PELO: variants seen among roughly 807,000 people sequenced by gnomAD.
PELO encodes protein pelota homolog.
Under a neutral mutation model 25.9 loss-of-function variants are expected in PELO, and 19 were observed. The ratio of observed to expected loss-of-function variants is 0.73; its 90% CI spans 0.51 to 1.08. The LOEUF is 1.08. Ranked by LOEUF, PELO falls within the 50% of genes least tolerant of loss-of-function variation. The probability of loss-of-function intolerance (pLI) is 0.00; values close to 1 mark genes in which losing one functional copy is unlikely to be tolerated. For missense variants in PELO, 498 were observed against 491.4 expected (o/e 1.01, Z -0.13); for synonymous variants, 196 against 192.2 (o/e 1.02, Z -0.16).
At chr5:52,791,191 T>C (rs1253685986) in intron 1 of PELO, among the ~76,000 whole-genome samples, 3 of 152,202 alleles carry the variant, frequency 2.0e-5, no homozygotes, top group African/African-American at 7.2e-5. Context: ...TGATGTCACA[T>C]ATAAAGGATT....
intron 1 of PELO, among the ~76,000 whole-genome samples, chr5:52,796,763 T>C (rs574211047): frequency 6.6e-6 from 1 of 152,080 alleles, no homozygotes; most frequent in African/African-American, 2.4e-5. Flanking sequence ...CCTTCCAGAG[T>C]TCAACAAAAA....
chr5:52,792,317 C>T (rs1748257452), intron 1 of PELO, among the ~76,000 whole-genome samples: 1 of 152,134 alleles, frequency 6.6e-6, no homozygotes, highest in South Asian at 2.1e-4. Flanking sequence ...CAAAGAATGA[C>T]TCCCAATGGC....
rs1244135378 is a variant in PELO at position 52,800,496 on chromosome 5, G to C, written c.102G>C (p.Gln34His). The change falls in exon 2 of 3, where the codon CAG becomes CAC. Residue 34 changes from glutamine to histidine, a missense_variant. Transcript: ENST00000274311. Reference sequence around the variant, plus strand: ...TGTGGCACACTTACAACCTCGTGCAGGTGGGCGACAGCCTGCGCGCCTCCA... The same window carrying C: ...TGTGGCACACTTACAACCTCGTGCACGTGGGCGACAGCCTGCGCGCCTCCA... ...EDMWHTYNLV[Q>H]VGDSLRASTI... 3.1e-6 allele frequency: 5 copies of C among 1,614,122 alleles called. No individual in the cohort carries two copies. The Admixed American group carries it at 8.3e-5, about 27-fold the overall frequency.
At chr5:52,796,250 C>T (rs1260975848) in intron 1 of PELO, among the ~76,000 whole-genome samples, 1 of 151,834 alleles carries the variant, frequency 6.6e-6, no homozygotes, top group Admixed American at 6.6e-5. Flanking sequence ...GCCCAGTTCT[C>T]TTCTTGAGAC....
chr5:52,801,660 G>A lies in PELO; in HGVS notation c.978G>A (p.Arg326=), dbSNP rs1179318239. The A allele has an allele frequency of 6.2e-7, 1 of 1,614,170 alleles. No individual in the cohort carries two copies. The highest frequency in any genetic ancestry group is 8.5e-7 in the Non-Finnish European group (1 of 1,179,998). ...TCAGGCATCAGGATGTAGCCACACGGAGCCGGTATGTGAGGCTGGTGGACA... is the reference window on the plus strand; with the variant it reads ...TCAGGCATCAGGATGTAGCCACACGAAGCCGGTATGTGAGGCTGGTGGACA... ...ELFRHQDVAT[R]SRYVRLVDSV... Residue 326 remains arginine, a synonymous_variant, in exon 3 of 3, where the codon CGG becomes CGA. Coordinates refer to ENST00000274311, the MANE Select transcript of PELO (RefSeq NM_015946.5).
At chr5:52,792,979 G>A (rs1168990183) in intron 1 of PELO, among the ~76,000 whole-genome samples, 1 of 152,044 alleles carries the variant, frequency 6.6e-6, no homozygotes, top group Admixed American at 6.6e-5. Context: ...GCTTCTTTCA[G>A]CTCCTTTATT....
rs1198783855 is a variant in PELO at position 52,803,566 on chromosome 5, G to C, written c.*1726G>C. 2.6e-5 allele frequency: 4 copies of C among 152,176 alleles called. No homozygotes were observed. Among genetic ancestry groups the C allele is most frequent in the Non-Finnish European group, 5.9e-5 (4 of 68,036 alleles). The allele number at this position is 152,176 out of a possible 1,614,324, so 9.4% of individuals were successfully genotyped here. On this transcript the variant is annotated 3_prime_UTR_variant, in exon 3 of 3. Coordinates refer to ENST00000274311, the MANE Select transcript of PELO (RefSeq NM_015946.5). ...TTTAGCTACCTGTTCACCTCAACTT[G>C]AGAGCTCTTAAAACCCTCAGTGTCC...
chr5:52,790,132 GACTC>G (rs1482266254), intron 1 of PELO, among the ~76,000 whole-genome samples: 1 of 152,086 alleles, frequency 6.6e-6, no homozygotes, highest in East Asian at 1.9e-4. Flanking sequence ...GTAACCTGGG[GACTC>G]ATCACCATAC....
At chr5:52,793,414 T>C (rs1270172359) in intron 1 of PELO, among the ~76,000 whole-genome samples, 3 of 152,060 alleles carry the variant, frequency 2.0e-5, no homozygotes, top group African/African-American at 7.2e-5. Flanking sequence ...AATAATGGAA[T>C]GGAAGACACC....
At chr5:52,798,171 C>T (rs1312087255) in intron 1 of PELO, among the ~76,000 whole-genome samples, 1 of 152,120 alleles carries the variant, frequency 6.6e-6, no homozygotes, top group Non-Finnish European at 1.5e-5. Flanking sequence ...GTGATTAGTT[C>T]TTTGCTTAGT....
intron 1 of PELO, among the ~76,000 whole-genome samples, chr5:52,791,535 C>A (rs1171012274): frequency 6.6e-6 from 1 of 152,144 alleles, no homozygotes; most frequent in Non-Finnish European, 1.5e-5. Flanking sequence ...TCCCATTGGC[C>A]ATCCCCAAAT....
At position 52,800,146 on chromosome 5, in the gene PELO, G is replaced by C. The variant is rs556146280; in HGVS notation, c.-249G>C. 5.4e-5 allele frequency: 29 copies of C among 534,538 alleles called. No individual in the cohort carries two copies. In the South Asian group the frequency reaches 5.7e-4, roughly 11 times the overall value. The allele number at this position is 534,538 out of a possible 1,614,324, so 33.1% of individuals were successfully genotyped here. On this transcript the variant is annotated 5_prime_UTR_variant, in exon 2 of 3. Transcript: ENST00000274311. Reference sequence around the variant, plus strand: ...TGCCAGCGGGAACTGTGTAGGGGTAGATTTTCGCTGCAGTGTTCCCCGAGC... The same window carrying C: ...TGCCAGCGGGAACTGTGTAGGGGTACATTTTCGCTGCAGTGTTCCCCGAGC...
Position 52,800,430 on chromosome 5 carries a change from T to G in PELO, c.36T>G (p.Asn12Lys). The change falls in exon 2 of 3, where the codon AAT (asparagine) becomes AAG (lysine). Residue 12 changes from asparagine to lysine, a missense_variant. Asn to Lys is a moderately conservative substitution (Grantham distance 94). Coordinates refer to ENST00000274311, the MANE Select transcript of PELO (RefSeq NM_015946.5). The part of the protein sequence containing the change: ...KLVRKNIEKD[N>K]AGQVTLVPEE... ...TGAGGAAGAACATCGAGAAGGACAA[T>G]GCGGGCCAGGTGACCCTGGTCCCCG... 6.2e-7 allele frequency: 1 copy of G among 1,613,980 alleles called. No individual in the cohort carries two copies. Among genetic ancestry groups the G allele is most frequent in the East Asian group, 2.2e-5 (1 of 44,860 alleles).
Position 52,800,874 on chromosome 5 carries a change from G to A in PELO, c.480G>A (p.Arg160=), listed in dbSNP as rs766192469. The A allele has an allele frequency of 1.2e-6, 2 of 1,612,222 alleles. No individual in the cohort carries two copies. Among genetic ancestry groups the A allele is most frequent in the Non-Finnish European group, 1.7e-6 (2 of 1,178,810 alleles). ...CLVTPSMTLT[R]AKVEVNIPRK... ...TCACTCCCAGCATGACCCTCACTCG[G>A]GCCAAGGTGGAGGTGAACATCCCTA... The change falls in exon 2 of 3, where the codon CGG becomes CGA. Residue 160 remains arginine (R), a synonymous_variant. Transcript: ENST00000274311.
intron 1 of PELO, among the ~76,000 whole-genome samples, chr5:52,798,653 C>A (rs1488644724): frequency 6.6e-6 from 1 of 152,054 alleles, no homozygotes; most frequent in East Asian, 1.9e-4. Context: ...CTCTGTCTGG[C>A]TTAGTCAATC....
rs1420922035 is a variant in PELO, at chr5:52,800,073, A to T, written c.-322A>T. On this transcript the variant is annotated 5_prime_UTR_variant, in exon 2 of 3. Transcript: ENST00000274311. The stretch of plus-strand genomic sequence containing the variant: ...CGGGAGACGTGCGTCGGGTCGCGGG[A>T]CGGGGGCTGCGCATGCGCCTTCATT... The T allele has an allele frequency of 3.0e-6, 1 of 329,866 alleles. No individual in the cohort carries two copies. Among genetic ancestry groups the T allele is most frequent in the African/African-American group, 2.2e-5 (1 of 45,774 alleles). 20.4% of individuals were successfully genotyped at this position (329,866 alleles called of 1,614,324 possible). A position where few individuals can be genotyped will look rare whatever the true frequency, so the allele number is the denominator to read the frequency against.
At chr5:52,794,500 T>TAC (rs56996823) in intron 1 of PELO, among the ~76,000 whole-genome samples, 35,568 of 141,588 alleles carry the variant, frequency 0.25, 4,479 homozygotes, top group Middle Eastern at 0.3. Flanking sequence ...CAAATAGAAA[T>TAC]ACACACACAC....
At chr5:52,788,916 G>C (rs1748183801) in intron 1 of PELO, among the ~76,000 whole-genome samples, 1 of 152,162 alleles carries the variant, frequency 6.6e-6, no homozygotes, top group South Asian at 2.1e-4. Context: ...AGGGATGCAA[G>C]ACGAAACTGC....
At chr5:52,790,480 G>T (rs1480442554) in intron 1 of PELO, among the ~76,000 whole-genome samples, 1 of 152,202 alleles carries the variant, frequency 6.6e-6, no homozygotes, top group African/African-American at 2.4e-5. Flanking sequence ...CACCAGGGCT[G>T]CATTTCTTCT....
Sources: allele counts gnomAD v4.1 joint callset (sites outside exome capture counted in the v4.1 genomes callset), GRCh38; gene constraint gnomAD v4.1.1; transcripts MANE v1.5; gene names NCBI Gene and HGNC (gene_info 2026-07-23, HGNC 2026-07-21).